The following SMARCC2 variants were observed in gnomAD, a reference collection of about 807,000 sequenced individuals.
The protein encoded by SMARCC2 is SWI/SNF complex subunit SMARCC2.
SMARCC2 carries 15 observed loss-of-function variants against 151.3 expected under a neutral mutation model. That is an observed-to-expected ratio of 0.10 (90% confidence interval 0.07 to 0.15). SMARCC2 has a LOEUF of 0.15. SMARCC2 is among the 10% of genes least tolerant of loss of function. The probability of loss-of-function intolerance (pLI) is 1.00; values close to 1 mark genes in which losing one functional copy is unlikely to be tolerated. For synonymous variants in SMARCC2, 590 were observed against 609.5 expected (o/e 0.97, Z 0.47); for missense variants, 1,031 against 1,599.7 (o/e 0.64, Z 6.06).
intron 1 of SMARCC2, among the ~76,000 whole-genome samples, chr12:56,189,136 A>G (rs1183184687): frequency 1.0e-5 from 1 of 99,782 alleles, no homozygotes; most frequent in African/African-American, 3.8e-5. Context: ...AGGGCGCAGC[A>G]GTGGGGGCGG....
rs1324220453 is a variant in SMARCC2, at chr12:56,172,636, T to C, written c.1812A>G (p.Gln604=). 5.0e-6 allele frequency: 8 copies of C among 1,614,082 alleles called. No individual in the cohort carries two copies. Among genetic ancestry groups the C allele is most frequent in the Non-Finnish European group, 6.8e-6 (8 of 1,180,042 alleles). The change falls in exon 19 of 29, where the codon CAA becomes CAG. Residue 604 remains glutamine (Q), a synonymous_variant. Coordinates refer to ENST00000550164, the MANE Select transcript of SMARCC2 (RefSeq NM_001330288.2). ...DKGKEKPTDM[Q]NFGLRTDMYT... ...ACATGTCTGTGCGCAGCCCAAAGTT[T>C]TGCATGTCTGTTGGTTTCTCTTTGC...
At chr12:56,163,804 GGA>G in intron 28 of SMARCC2, 39 bp from the exon 29 acceptor site, 1 of 1,371,214 alleles carries the variant, frequency 7.3e-7, no homozygotes, top group South Asian at 1.4e-5. Flanking sequence ...AGAGTACGCC[GGA>G]GAGATGGCTC....
chr12:56,174,387 T>C lies in SMARCC2; in HGVS notation c.1496+264A>G, dbSNP rs181235121. 6.6e-4 allele frequency: 221 copies of C among 332,466 alleles called. 4 individuals carry two copies. The East Asian group carries it at 9.4e-3, about 14-fold the overall frequency. 20.6% of individuals were successfully genotyped at this position (332,466 alleles called of 1,614,324 possible). A position where few individuals can be genotyped will look rare whatever the true frequency, so the allele number is the denominator to read the frequency against. ...TTGGTCTCCCAAAATGTTTGGATTA[T>C]AGGCATGAGCCACCACACCTGGCCT... On this transcript the variant is annotated intron_variant, in intron 16 of 28. Transcript: ENST00000550164.
At chr12:56,172,290 C>G in intron 20 of SMARCC2, 138 bp downstream of exon 20, 3 of 745,988 alleles carry the variant, frequency 4.0e-6, no homozygotes, top group Non-Finnish European at 6.4e-6. Flanking sequence ...CTATGTTGCC[C>G]AGGTTCATCT....
At chr12:56,164,178 T>C in intron 28 of SMARCC2, 125 bp downstream of exon 28, 1 of 876,282 alleles carries the variant, frequency 1.1e-6, no homozygotes, top group Non-Finnish European at 1.7e-6. Context: ...TATTCTAATT[T>C]TACCAGAGTG....
chr12:56,171,833 G>T lies in SMARCC2; in HGVS notation c.2031C>A (p.Asp677Glu). The T allele has an allele frequency of 2.5e-6, 4 of 1,614,198 alleles. No individual in the cohort carries two copies. The highest frequency in any genetic ancestry group is 3.4e-6 in the Non-Finnish European group (4 of 1,180,008). The change falls in exon 21 of 29, where the codon GAC (aspartate) becomes GAA (glutamate). Residue 677 changes from aspartate to glutamate, a missense_variant. Asp to Glu is a conservative substitution (Grantham distance 45). Around this residue, in one of 12 missense-constraint regions of SMARCC2, gnomAD observed 51 missense variants for 137.9 expected, o/e 0.37. Transcript: ENST00000550164. This position sits in a 1 kb window ranked among gnomAD's most constrained non-coding sequence, Gnocchi z 4.2. The part of the protein sequence containing the change: ...ILHFLRLPIE[D>E]PYLEDSEASL... ...AGGCCTCTGAGTCCTCCAGGTATGG[G>T]TCTTCAATGGGAAGACGAAGAAAAT...
At chr12:56,180,482 C>A (rs1875976634) in intron 11 of SMARCC2, among the ~76,000 whole-genome samples, 2 of 150,580 alleles carry the variant, frequency 1.3e-5, no homozygotes, top group Non-Finnish European at 1.5e-5. Flanking sequence ...CGGCTCCCTG[C>A]AACCTCTACC....
chr12:56,172,205 T>C (rs1281783747), intron 20 of SMARCC2: 1 of 550,242 alleles, frequency 1.8e-6, no homozygotes, highest in Non-Finnish European at 3.2e-6. Context: ...CTTAGCCTCC[T>C]GAGTAGCTGG....
At chr12:56,173,616 A>C (rs1007549873) in intron 17 of SMARCC2, 80 bp downstream of exon 17, 2 of 1,302,018 alleles carry the variant, frequency 1.5e-6, no homozygotes, top group Non-Finnish European at 2.1e-6. Context: ...CTGAACCATT[A>C]CCCTAAAAAC....
chr12:56,166,442 C>T (rs956987033), intron 26 of SMARCC2, among the ~76,000 whole-genome samples: 13 of 152,018 alleles, frequency 8.6e-5, no homozygotes, highest in Non-Finnish European at 1.6e-4. Context: ...TGAGCCACCG[C>T]GCCCGGCTGA....
At chr12:56,185,985 A>G in intron 3 of SMARCC2, 170 bp downstream of exon 3, 3 of 618,026 alleles carry the variant, frequency 4.9e-6, no homozygotes, top group Non-Finnish European at 8.6e-6. Flanking sequence ...ACTCTTGGAG[A>G]CTGTTTTGGC....
rs756774997 is a variant in SMARCC2 at position 56,170,191 on chromosome 12, C to T, written c.2365G>A (p.Glu789Lys). Residue 789 changes from glutamate to lysine, a missense_variant, in exon 23 of 29, where the codon GAG becomes AAG. By Grantham distance (56) the Glu-to-Lys change is moderately conservative (BLOSUM62 1). Coordinates refer to ENST00000550164, the MANE Select transcript of SMARCC2 (RefSeq NM_001330288.2). ...PERIEESGND[E>K]ARVEGQATDE... ...GTGGCCTGGCCTTCCACCCGAGCCT[C>T]GTCATTCCCGCTCTCCTCTGGGCCC... 9.3e-6 allele frequency: 15 copies of T among 1,613,664 alleles called. No homozygotes were observed. The highest frequency in any genetic ancestry group is 1.3e-5 in the African/African-American group (1 of 74,902).
At position 56,181,855 on chromosome 12, in the gene SMARCC2, C is replaced by T; in HGVS notation, c.709-20G>A. ...ATGAACCTAAAGTACAAAGGCAGATCATGCTGCAGAGAAGCCTGGAAGCCA... is the reference window on the plus strand; with the variant it reads ...ATGAACCTAAAGTACAAAGGCAGATTATGCTGCAGAGAAGCCTGGAAGCCA... On this transcript the variant is annotated intron_variant, in intron 8 of 28. Transcript: ENST00000550164. 6.2e-7 allele frequency: 1 copy of T among 1,614,094 alleles called. No homozygotes were observed. Among genetic ancestry groups the T allele is most frequent in the Non-Finnish European group, 8.5e-7 (1 of 1,179,978 alleles).
At chr12:56,177,911 G>T in intron 15 of SMARCC2, 111 bp downstream of exon 15, 2 of 762,572 alleles carry the variant, frequency 2.6e-6, no homozygotes, top group African/African-American at 1.7e-5. Flanking sequence ...ATAGTGCCTG[G>T]CTCATGGAAG....
At chr12:56,182,611 C>T (rs185155768) in intron 7 of SMARCC2, among the ~76,000 whole-genome samples, 225 of 151,556 alleles carry the variant, frequency 1.5e-3, no homozygotes, top group African/African-American at 5.1e-3. Context: ...GCATGAGACA[C>T]CGCGTCCAGC....
rs748303040 is a variant in SMARCC2 at position 56,181,091 on chromosome 12, G to A, written c.967C>T (p.Pro323Ser). The change falls in exon 11 of 29, where the codon CCT (proline) becomes TCT (serine). Residue 323 changes from proline (P) to serine (S), a missense_variant. Physicochemically the swap from Pro to Ser is moderately conservative, Grantham distance 74 (BLOSUM62 -1). Transcript: ENST00000550164. ...KKNAKKGPST[P>S]YTKSKRGHRE... The stretch of plus-strand genomic sequence containing the variant: ...TGGCCACGCTTTGACTTAGTGTAAG[G>A]TGTTGAGGGACTGGGAAGGAAAGAG... 1.2e-6 allele frequency: 2 copies of A among 1,612,502 alleles called. No individual in the cohort carries two copies. The highest frequency in any genetic ancestry group is 1.3e-5 in the African/African-American group (1 of 74,748).
intron 26 of SMARCC2, among the ~76,000 whole-genome samples, chr12:56,166,317 A>AT (rs1279767774): frequency 1.3e-5 from 2 of 151,376 alleles, no homozygotes; most frequent in Admixed American, 6.6e-5. Context: ...AATTTTTTGT[A>AT]TTTTTTTATT....
In SMARCC2 at chr12:56,171,542, C is replaced by A; in HGVS notation, c.2186-110G>T. The A allele has an allele frequency of 6.6e-7, 1 of 1,522,470 alleles. No homozygotes were observed. Among genetic ancestry groups the A allele is most frequent in the Non-Finnish European group, 9.0e-7 (1 of 1,115,576 alleles). The allele number at this position is 1,522,470 out of a possible 1,614,324, so 94.3% of individuals were successfully genotyped here. On this transcript the variant is annotated intron_variant, in intron 21 of 28. Coordinates refer to ENST00000550164, the MANE Select transcript of SMARCC2 (RefSeq NM_001330288.2). This position sits in a 1 kb window ranked among gnomAD's most constrained non-coding sequence, Gnocchi z 4.2. Reference sequence around the variant, plus strand: ...TGTCTTCATCTAAGCTAGTATGGAGCCTAGACAGGTGCCTGAGCTGAGGCC... The same window carrying A: ...TGTCTTCATCTAAGCTAGTATGGAGACTAGACAGGTGCCTGAGCTGAGGCC...
At chr12:56,168,343 G>A (rs1873230386) in intron 25 of SMARCC2, 149 bp from the exon 26 acceptor site, 1 of 804,110 alleles carries the variant, frequency 1.2e-6, no homozygotes, top group Middle Eastern at 2.6e-4. Flanking sequence ...TTTGTGCTGG[G>A]ATTATAGGCG....
Sources: gnomAD v4.1 joint callset for allele counts (sites outside exome capture counted in the v4.1 genomes callset) on GRCh38, gnomAD v4.1.1 for gene constraint, gnomAD v4.1.1 regional missense constraint, Gnocchi (gnomAD v3.1) non-coding constraint, MANE v1.5 for transcripts, NCBI Gene and HGNC (gene_info 2026-07-23, HGNC 2026-07-21) for gene names.